Variants in NELL1 observed in about 807,000 individuals in gnomAD.
NELL1 encodes the protein neural EGFL like 1, also known as protein kinase C-binding protein NELL1.
In NELL1, 76 loss-of-function variants were observed where a neutral mutation model predicts 107.4. That is an observed-to-expected ratio of 0.71 (90% CI 0.59 to 0.86). NELL1 has a LOEUF of 0.86. Ranked by LOEUF, NELL1 falls within the 40% of genes least tolerant of loss-of-function variation. The pLI, the probability that NELL1 is intolerant of heterozygous loss-of-function variation, is 0.00. For synonymous variants in NELL1, 353 were observed against 341.2 expected (o/e 1.03, Z -0.38); for missense variants, 1,024 against 1,005.5 (o/e 1.02, Z -0.25).
At chr11:20,705,947 A>G (rs1854940057) in intron 2 of NELL1, among the ~76,000 whole-genome samples, 1 of 152,240 alleles carries the variant, frequency 6.6e-6, no homozygotes, top group Admixed American at 6.5e-5. Flanking sequence ...AGAGAAATGC[A>G]AATGAAAACC....
chr11:21,439,985 G>C (rs1853236568), intron 15 of NELL1, among the ~76,000 whole-genome samples: 1 of 152,052 alleles, frequency 6.6e-6, no homozygotes, highest in African/African-American at 2.4e-5. Context: ...CTGCCTTTTG[G>C]GAGCTTTTAT....
intron 5 of NELL1, among the ~76,000 whole-genome samples, chr11:20,901,919 A>T (rs1413092837): frequency 6.6e-6 from 1 of 152,150 alleles, no homozygotes; most frequent in Non-Finnish European, 1.5e-5. Context: ...TATATATTAT[A>T]GACACAGACA....
intron 1 of NELL1, among the ~76,000 whole-genome samples, chr11:20,676,268 G>A (rs1854054419): frequency 6.7e-6 from 1 of 148,518 alleles, no homozygotes; most frequent in Non-Finnish European, 1.5e-5. Context: ...CATCCAAGTT[G>A]CTTTCTATCC....
rs530153950 is a variant in NELL1, at chr11:21,555,058, A to G, written c.1787-5131A>G. On this transcript the variant is annotated intron_variant, in intron 16 of 19. Coordinates refer to ENST00000357134, the MANE Select transcript of NELL1 (RefSeq NM_006157.5). ...TAAAATGAGAGACAACTATAAAGTCAATACTTACAGGGCCATATCTGGCTT... is the reference window on the plus strand; with the variant it reads ...TAAAATGAGAGACAACTATAAAGTCGATACTTACAGGGCCATATCTGGCTT... Among the ~76,000 whole-genome samples, 58 of 152,106 alleles carry G rather than the reference A, an allele frequency of 3.8e-4. No homozygotes were observed. In the South Asian group the frequency reaches 0.012, roughly 30 times the overall value.
At chr11:21,262,388 AT>A (rs1212261596) in intron 14 of NELL1, 11 of 151,754 alleles carry the variant, frequency 7.2e-5, no homozygotes, top group Admixed American at 1.3e-4. Flanking sequence ...TTCTCCATTA[AT>A]TACCTGAGAA....
intron 12 of NELL1, among the ~76,000 whole-genome samples, chr11:21,067,755 G>A (rs951934992): frequency 7.9e-5 from 12 of 151,930 alleles, no homozygotes; most frequent in South Asian, 2.1e-4. Context: ...ATTCTAGGCC[G>A]GGCATGGTGG....
chr11:21,439,504 C>G (rs1853223455), intron 15 of NELL1, among the ~76,000 whole-genome samples: 1 of 152,174 alleles, frequency 6.6e-6, no homozygotes, highest in Non-Finnish European at 1.5e-5. Context: ...GGCAGGTGAA[C>G]TGGCTTAGAG....
intron 4 of NELL1, among the ~76,000 whole-genome samples, chr11:20,850,684 G>T (rs1034117106): frequency 1.3e-5 from 2 of 152,104 alleles, no homozygotes; most frequent in East Asian, 1.9e-4. Context: ...TGAGCAGTTT[G>T]TTCCTTTCTA....
chr11:21,203,679 T>A (rs1269686611), intron 13 of NELL1, among the ~76,000 whole-genome samples: 1 of 152,170 alleles, frequency 6.6e-6, no homozygotes, highest in African/African-American at 2.4e-5. Context: ...GTATTTTTCC[T>A]GTTAGATGAT....
intron 16 of NELL1, among the ~76,000 whole-genome samples, chr11:21,540,968 C>CTTAT (rs1233153920): frequency 6.6e-6 from 1 of 152,052 alleles, no homozygotes; most frequent in East Asian, 1.9e-4. Flanking sequence ...TTTCTCCCCT[C>CTTAT]TTATTTGTCT....
chr11:21,326,517 T>C (rs2133677898), intron 14 of NELL1, among the ~76,000 whole-genome samples: 1 of 152,242 alleles, frequency 6.6e-6, no homozygotes, highest in South Asian at 2.1e-4. Context: ...ATTTTAATAG[T>C]TAATTTTTAA....
intron 2 of NELL1, among the ~76,000 whole-genome samples, chr11:20,741,084 TC>T (rs1855879530): frequency 7.0e-6 from 1 of 143,026 alleles, no homozygotes; most frequent in Admixed American, 7.2e-5. Flanking sequence ...TTCTGGCCCC[TC>T]CCCCACCCCA....
At chr11:21,243,558 T>A (rs1268633125) in intron 14 of NELL1, among the ~76,000 whole-genome samples, 25 of 152,148 alleles carry the variant, frequency 1.6e-4, no homozygotes, top group Admixed American at 1.6e-3. Context: ...GAGGACTCGC[T>A]GTATCTTTAC....
chr11:21,384,284 C>G (rs966679631), intron 15 of NELL1, among the ~76,000 whole-genome samples: 2 of 151,718 alleles, frequency 1.3e-5, no homozygotes, highest in African/African-American at 4.8e-5. Context: ...ATTTTCACTG[C>G]GTAAAAGTCA....
intron 2 of NELL1, among the ~76,000 whole-genome samples, chr11:20,692,778 A>G (rs1044750028): frequency 1.6e-4 from 25 of 152,030 alleles, no homozygotes; most frequent in African/African-American, 2.7e-4. Flanking sequence ...TTGGGGTGGA[A>G]AGTTCTGTAG....
At chr11:20,981,263 A>T (rs956451666) in intron 12 of NELL1, among the ~76,000 whole-genome samples, 2 of 152,164 alleles carry the variant, frequency 1.3e-5, no homozygotes, top group African/African-American at 2.4e-5. Flanking sequence ...TCAAATTCTT[A>T]ATTTTTTTCA....
intron 2 of NELL1, among the ~76,000 whole-genome samples, chr11:20,775,690 G>A (rs1856737378): frequency 6.6e-6 from 1 of 152,156 alleles, no homozygotes; most frequent in South Asian, 2.1e-4. Flanking sequence ...TAATTTCTTA[G>A]CAACAGGGAA....
At chr11:21,551,126 G>A (rs1383553572) in intron 16 of NELL1, among the ~76,000 whole-genome samples, 1 of 151,808 alleles carries the variant, frequency 6.6e-6, no homozygotes, top group East Asian at 1.9e-4. Flanking sequence ...GTTCACTCAT[G>A]ATTTGGCTCT....
intron 5 of NELL1, among the ~76,000 whole-genome samples, chr11:20,897,189 A>G (rs1229802332): frequency 6.6e-6 from 1 of 152,232 alleles, no homozygotes; most frequent in African/African-American, 2.4e-5. Context: ...TAACCAAAAC[A>G]GCATGGTACT....
Sources: gnomAD v4.1 joint callset for allele counts (sites outside exome capture counted in the v4.1 genomes callset) on GRCh38, gnomAD v4.1.1 for gene constraint, MANE v1.5 for transcripts, NCBI Gene and HGNC (gene_info 2026-07-23, HGNC 2026-07-21) for gene names.